TMEM132C: variants seen among roughly 807,000 people sequenced by gnomAD.
TMEM132C encodes the protein transmembrane protein 132C, also known as protein phosphatase 1, regulatory subunit 152.
TMEM132C carries 29 observed loss-of-function variants against 61.4 expected under a neutral mutation model. That is an observed-to-expected ratio of 0.47 (90% CI 0.35 to 0.64). The LOEUF (loss-of-function observed/expected upper bound fraction) is 0.64, where lower values mean the gene tolerates loss of function less well. TMEM132C is among the 30% of genes least tolerant of loss of function. The probability of loss-of-function intolerance (pLI) is 0.00; values close to 1 mark genes in which losing one functional copy is unlikely to be tolerated. For synonymous variants in TMEM132C, 656 were observed against 633.1 expected (o/e 1.04, Z -0.54); for missense variants, 1,408 against 1,476.9 (o/e 0.95, Z 0.76).
chr12:128,507,595 G>A (rs1872418711), intron 2 of TMEM132C, among the ~76,000 whole-genome samples: 1 of 152,092 alleles, frequency 6.6e-6, no homozygotes, highest in African/African-American at 2.4e-5. Context: ...AACATGACGG[G>A]GAGCTGCTTC....
At chr12:128,330,763 T>C (rs1374335635) in intron 1 of TMEM132C, among the ~76,000 whole-genome samples, 1 of 152,198 alleles carries the variant, frequency 6.6e-6, no homozygotes, top group Admixed American at 6.5e-5. Context: ...AATTCTAGTT[T>C]TAACCAAAAA....
chr12:128,493,161 G>C (rs1274617260), intron 2 of TMEM132C, among the ~76,000 whole-genome samples: 1 of 152,140 alleles, frequency 6.6e-6, no homozygotes, highest in Non-Finnish European at 1.5e-5. Context: ...GATGGTTTTA[G>C]ATGTGTAGTA....
At position 128,462,273 on chromosome 12, in the gene TMEM132C, T is replaced by A. The variant is rs532875213; in HGVS notation, c.974+46653T>A. Among the ~76,000 whole-genome samples, 13 of 151,998 alleles carry A rather than the reference T, an allele frequency of 8.6e-5. 1 individual carries two copies. Among genetic ancestry groups the A allele is most frequent in the South Asian group, 8.3e-4 (4 of 4,814 alleles). ...AGTGCCAGCCACCACACCCTACTCA[T>A]TTTTGTATTTTTTAGTAGAGACGGG... On this transcript the variant is annotated intron_variant, in intron 2 of 8. Coordinates refer to ENST00000435159, the MANE Select transcript of TMEM132C (RefSeq NM_001136103.3).
At chr12:128,673,170 C>T (rs1207345750) in intron 5 of TMEM132C, among the ~76,000 whole-genome samples, 1 of 152,170 alleles carries the variant, frequency 6.6e-6, no homozygotes, top group East Asian at 1.9e-4. Flanking sequence ...CCTTAACACC[C>T]AATGCAATGG....
chr12:128,603,985 G>A (rs1278250053), intron 3 of TMEM132C, among the ~76,000 whole-genome samples: 8 of 152,190 alleles, frequency 5.3e-5, no homozygotes, highest in African/African-American at 1.7e-4. Context: ...TATGGAATGG[G>A]GAAGTGTAGA....
At chr12:128,477,127 C>T (rs1027303303) in intron 2 of TMEM132C, among the ~76,000 whole-genome samples, 3 of 152,180 alleles carry the variant, frequency 2.0e-5, no homozygotes, top group African/African-American at 7.2e-5. Context: ...TGATTTCTCT[C>T]TATTGTGAAG....
chr12:128,310,668 C>A (rs1871938290), intron 1 of TMEM132C, among the ~76,000 whole-genome samples: 1 of 152,114 alleles, frequency 6.6e-6, no homozygotes, highest in African/African-American at 2.4e-5. Context: ...TCCCACCAGA[C>A]CCCACCTCCA....
chr12:128,497,606 C>T (rs111998930), intron 2 of TMEM132C, among the ~76,000 whole-genome samples: 1 of 152,208 alleles, frequency 6.6e-6, no homozygotes. Flanking sequence ...GAGCGAGGCT[C>T]CGTGGGCATG....
At chr12:128,652,947 A>G (rs1011737211) in intron 4 of TMEM132C, among the ~76,000 whole-genome samples, 1 of 152,160 alleles carries the variant, frequency 6.6e-6, no homozygotes, top group Non-Finnish European at 1.5e-5. Context: ...GAGAAATGAA[A>G]CCTACATCTA....
intron 4 of TMEM132C, among the ~76,000 whole-genome samples, chr12:128,652,269 G>A (rs1379000990): frequency 1.3e-5 from 2 of 152,156 alleles, no homozygotes; most frequent in South Asian, 2.1e-4. Flanking sequence ...GCTGTGGGGC[G>A]GGGTCGGTGC....
chr12:128,410,092 G>GA (rs757662108), intron 1 of TMEM132C, among the ~76,000 whole-genome samples: 1 of 151,864 alleles, frequency 6.6e-6, no homozygotes, highest in South Asian at 2.1e-4. Context: ...ATATAAACAG[G>GA]AAAAATCTCT....
intron 3 of TMEM132C, among the ~76,000 whole-genome samples, chr12:128,594,205 AGTGTCCC>A: frequency 6.6e-6 from 1 of 152,200 alleles, no homozygotes; most frequent in Non-Finnish European, 1.5e-5. Context: ...GACTCTGGGC[AGTGTCCC>A]CACCCCAGGG....
chr12:128,585,688 G>A (rs554112542), intron 3 of TMEM132C, among the ~76,000 whole-genome samples: 10 of 152,220 alleles, frequency 6.6e-5, no homozygotes, highest in Non-Finnish European at 1.0e-4. Flanking sequence ...AGCAAGCAGC[G>A]TGTGCGGTGT....
At chr12:128,481,549 C>T (rs559766991) in intron 2 of TMEM132C, among the ~76,000 whole-genome samples, 3 of 152,318 alleles carry the variant, frequency 2.0e-5, no homozygotes, top group Admixed American at 6.5e-5. Context: ...CCCTGCCGTG[C>T]GGATGAGAGA....
chr12:128,387,905 G>T (rs985008163), intron 1 of TMEM132C, among the ~76,000 whole-genome samples: 20 of 152,200 alleles, frequency 1.3e-4, no homozygotes, highest in African/African-American at 4.8e-4. Flanking sequence ...GCCCTGCCTG[G>T]CTCCAGGAAC....
intron 1 of TMEM132C, among the ~76,000 whole-genome samples, chr12:128,362,989 A>T (rs751185451): frequency 5.3e-5 from 8 of 152,230 alleles, no homozygotes; most frequent in Non-Finnish European, 1.2e-4. Flanking sequence ...CAAAAGATGA[A>T]GAGAGGGCCT....
chr12:128,569,736 G>A (rs1307446840), intron 3 of TMEM132C, among the ~76,000 whole-genome samples: 1 of 152,138 alleles, frequency 6.6e-6, no homozygotes, highest in African/African-American at 2.4e-5. Context: ...TAATATTCAA[G>A]GGGTTGCATT....
chr12:128,601,580 G>A (rs907742957), intron 3 of TMEM132C, among the ~76,000 whole-genome samples: 5 of 149,004 alleles, frequency 3.4e-5, no homozygotes, highest in South Asian at 2.1e-4. Flanking sequence ...TCATGAATAA[G>A]TGAGCCATGG....
intron 5 of TMEM132C, among the ~76,000 whole-genome samples, chr12:128,685,815 A>G (rs112219760): frequency 5.9e-5 from 9 of 152,272 alleles, no homozygotes; most frequent in African/African-American, 2.2e-4. Flanking sequence ...AAGGTACATC[A>G]CCTGTCCATG....
Sources: gnomAD v4.1 joint callset for allele counts (sites outside exome capture counted in the v4.1 genomes callset) on GRCh38, gnomAD v4.1.1 for gene constraint, MANE v1.5 for transcripts, NCBI Gene and HGNC (gene_info 2026-07-23, HGNC 2026-07-21) for gene names.